Variants in ERCC8 observed in about 807,000 individuals in gnomAD.
ERCC8 encodes DNA excision repair protein ERCC-8.
A neutral mutation model predicts 54.9 loss-of-function variants in ERCC8; 52 were observed. The observed-to-expected ratio is 0.95, with a 90% CI of 0.76 to 1.19. The LOEUF (loss-of-function observed/expected upper bound fraction) is 1.19. Ranked by LOEUF, ERCC8 falls within the 50% of genes most tolerant of loss-of-function variation. ERCC8 has a pLI of 0.00. For missense variants in ERCC8, 514 were observed against 466.1 expected (o/e 1.10, Z -0.95); for synonymous variants, 146 against 157.2 (o/e 0.93, Z 0.53).
At position 60,887,584 on chromosome 5, in the gene ERCC8, A is replaced by G. The variant is rs4647129; in HGVS notation, c.1042-64T>C. The G allele has an allele frequency of 3.4e-4, 409 of 1,201,608 alleles. 2 individuals are homozygous for G. The African/African-American group carries it at 5.7e-3, about 17-fold the overall frequency. The allele number at this position is 1,201,608 out of a possible 1,614,324, so 74.4% of individuals were successfully genotyped here. On this transcript the variant is annotated intron_variant, in intron 10 of 11. Coordinates refer to ENST00000676185, the MANE Select transcript of ERCC8 (RefSeq NM_000082.4). ...AGCTGATATCAAACTGAAATGAATTATATCATTTTTGAAATAATTAGGTCA... is the reference window on the plus strand; with the variant it reads ...AGCTGATATCAAACTGAAATGAATTGTATCATTTTTGAAATAATTAGGTCA...
At chr5:60,893,330 T>A in intron 9 of ERCC8, 2 of 860,854 alleles carry the variant, frequency 2.3e-6, no homozygotes, top group Non-Finnish European at 4.0e-6. Context: ...TCTTAGGATA[T>A]CCTCACAGTA....
intron 11 of ERCC8, among the ~76,000 whole-genome samples, chr5:60,881,313 C>T (rs1394971577): frequency 6.6e-6 from 1 of 152,158 alleles, no homozygotes; most frequent in Non-Finnish European, 1.5e-5. Context: ...CATCAGGGAC[C>T]CACTTGAGGA....
chr5:60,909,271 A>AAAAAAAAAAAAAAAAAAAAC (rs1749178610), intron 4 of ERCC8, among the ~76,000 whole-genome samples: 1 of 146,720 alleles, frequency 6.8e-6, no homozygotes, highest in African/African-American at 2.6e-5. Context: ...AAAAAAAAAA[A>AAAAAAAAAAAAAAAAAAAAC]AAAAAAAGCC....
rs1747884646 is a variant in ERCC8 at position 60,872,528 on chromosome 5, T to C, written c.*2087A>G. Among the ~76,000 whole-genome samples, 1 of 151,928 alleles carries C rather than the reference T, an allele frequency of 6.6e-6. No homozygotes were observed. The highest frequency in any genetic ancestry group is 6.6e-5 in the Admixed American group (1 of 15,254). The stretch of plus-strand genomic sequence containing the variant: ...AAGACATGCAAATGGCCAGCAGATA[T>C]ATGAAAAAATTATCAACATCAGCAG... On this transcript the variant is annotated 3_prime_UTR_variant, in exon 12 of 12. Transcript: ENST00000676185.
intron 1 of ERCC8, among the ~76,000 whole-genome samples, chr5:60,933,032 TC>T (rs1480199903): frequency 6.6e-6 from 1 of 152,134 alleles, no homozygotes; most frequent in East Asian, 1.9e-4. Flanking sequence ...TTAGTTCGTT[TC>T]CATGCCAAAC....
intron 9 of ERCC8, among the ~76,000 whole-genome samples, chr5:60,895,206 T>C (rs1273410367): frequency 1.3e-5 from 2 of 151,620 alleles, no homozygotes; most frequent in Admixed American, 1.3e-4. Flanking sequence ...CACTTTTTTT[T>C]CTATAGGTTA....
chr5:60,894,130 G>A (rs369063260), intron 9 of ERCC8, among the ~76,000 whole-genome samples: 7 of 151,684 alleles, frequency 4.6e-5, no homozygotes, highest in Non-Finnish European at 8.8e-5. Context: ...GACTACAGGC[G>A]ACCGCCACCA....
chr5:60,876,292 G>C (rs990768859), intron 11 of ERCC8, among the ~76,000 whole-genome samples: 10 of 152,170 alleles, frequency 6.6e-5, no homozygotes, highest in Admixed American at 6.5e-4. Context: ...ATGGACATTT[G>C]GGTTGGTTCC....
chr5:60,894,994 TC>T (rs1748682706), intron 9 of ERCC8, among the ~76,000 whole-genome samples: 1 of 151,750 alleles, frequency 6.6e-6, no homozygotes, highest in Non-Finnish European at 1.5e-5. Flanking sequence ...GATGGTGAAA[TC>T]CCATCTCTGC....
chr5:60,882,532 C>T (rs1748267211), intron 11 of ERCC8, among the ~76,000 whole-genome samples: 1 of 151,994 alleles, frequency 6.6e-6, no homozygotes, highest in African/African-American at 2.4e-5. Context: ...GTAGCTGTGA[C>T]TACAGGCGCA....
chr5:60,900,550 A>T (rs1580003391), intron 7 of ERCC8: 1 of 152,044 alleles, frequency 6.6e-6, no homozygotes, highest in African/African-American at 2.4e-5. Context: ...TTTTTAAAAA[A>T]ATATACACAC....
intron 9 of ERCC8, chr5:60,892,140 G>GT (rs3832350): frequency 0.37 from 173,957 of 469,222 alleles, 26,284 homozygotes; most frequent in East Asian, 0.7. Flanking sequence ...CCACCTTACT[G>GT]TTTTTTTTTA....
intron 11 of ERCC8, among the ~76,000 whole-genome samples, chr5:60,879,236 G>A (rs1052202623): frequency 8.5e-5 from 13 of 152,138 alleles, no homozygotes; most frequent in Non-Finnish European, 1.6e-4. Flanking sequence ...CTGAAAGACC[G>A]TTTGCTATAA....
chr5:60,892,176 C>G lies in ERCC8; in HGVS notation c.844-1090G>C, dbSNP rs560001469. 241 of 522,810 alleles carry G rather than the reference C, an allele frequency of 4.6e-4. 4 individuals carry two copies. The highest frequency in any genetic ancestry group is 3.5e-3 in the South Asian group (238 of 67,344). The allele number at this position is 522,810 out of a possible 1,614,324, so 32.4% of individuals were successfully genotyped here. On this transcript the variant is annotated intron_variant, in intron 9 of 11. Coordinates refer to ENST00000676185, the MANE Select transcript of ERCC8 (RefSeq NM_000082.4). ...GGGTGGTGGTCTACATTGAGTTTAG[C>G]CCACCCCATCTGATGACGATTCGGA...
chr5:60,880,378 C>T (rs1420733368), intron 11 of ERCC8, among the ~76,000 whole-genome samples: 2 of 152,084 alleles, frequency 1.3e-5, no homozygotes, highest in Admixed American at 6.6e-5. Context: ...ATCTTTGTGG[C>T]ATTCTCTGTT....
chr5:60,886,397 G>A (rs909413192), intron 11 of ERCC8, among the ~76,000 whole-genome samples: 2 of 152,104 alleles, frequency 1.3e-5, no homozygotes, highest in Non-Finnish European at 2.9e-5. Context: ...AATTTGACGT[G>A]AGAACAAAGT....
intron 11 of ERCC8, among the ~76,000 whole-genome samples, chr5:60,884,777 A>G (rs1362780258): frequency 2.0e-5 from 3 of 152,082 alleles, no homozygotes; most frequent in Non-Finnish European, 2.9e-5. Context: ...AGCACATACC[A>G]TTTTATATTA....
intron 11 of ERCC8, among the ~76,000 whole-genome samples, chr5:60,878,660 G>C (rs182327): frequency 2.0e-5 from 3 of 152,194 alleles, no homozygotes; most frequent in Non-Finnish European, 4.4e-5. Flanking sequence ...TATTTGCATA[G>C]AGGTGTTTAT....
Position 60,904,630 on chromosome 5 carries a change from GTGTGTATATA to G in ERCC8, c.481+152_481+161del, listed in dbSNP as rs1554073491. Among the ~76,000 whole-genome samples the G allele has an allele frequency of 0.023, 1,033 of 44,564 alleles. 22 individuals carry two copies. The highest frequency in any genetic ancestry group is 0.059 in the East Asian group (39 of 666). 29.2% of individuals were successfully genotyped at this position (44,564 alleles called of 152,430 possible). ...TCTGTTGAATATATATAGTGTGTGT[GTGTGTATATA>G]TATATATATATATATATATATATAT... On this transcript the variant is annotated intron_variant, in intron 5 of 11. Coordinates refer to ENST00000676185, the MANE Select transcript of ERCC8 (RefSeq NM_000082.4).
Sources: gnomAD v4.1 joint callset for allele counts (sites outside exome capture counted in the v4.1 genomes callset) on GRCh38, gnomAD v4.1.1 for gene constraint, MANE v1.5 for transcripts, NCBI Gene and HGNC (gene_info 2026-07-23, HGNC 2026-07-21) for gene names.